Variants in SMARCD3 observed in about 807,000 individuals in gnomAD.
SMARCD3 encodes SWI/SNF related BAF chromatin remodeling complex subunit D3, also known as SWI/SNF-related matrix-associated actin-dependent regulator of chromatin subfamily D member 3.
SMARCD3 carries 14 observed loss-of-function variants against 58.0 expected under a neutral mutation model. The observed-to-expected ratio is 0.24, with a 90% CI of 0.16 to 0.38. The LOEUF is 0.38. Ranked by LOEUF, SMARCD3 falls within the 10% of genes least tolerant of loss-of-function variation. The probability of loss-of-function intolerance (pLI) is 1.00; values close to 1 mark genes in which losing one functional copy is unlikely to be tolerated. For missense variants in SMARCD3, 408 were observed against 636.9 expected, an observed-to-expected ratio of 0.64 and a Z score of 3.87; for synonymous variants, 253 against 253.8, an observed-to-expected ratio of 1.00 and a Z score of 0.03.
At chr7:151,269,658 G>A (rs1795100637) in intron 2 of SMARCD3, among the ~76,000 whole-genome samples, 1 of 152,138 alleles carries the variant, frequency 6.6e-6, no homozygotes, top group Admixed American at 6.5e-5. Flanking sequence ...ATGGCAGGCT[G>A]GGACCTGCAA....
upstream of SMARCD3, among the ~76,000 whole-genome samples, chr7:151,252,053 C>T (rs1803536354): frequency 6.6e-6 from 1 of 151,882 alleles, no homozygotes; most frequent in South Asian, 2.1e-4. Context: ...GGGGAGGCGG[C>T]GGAGGGAGGA....
At chr7:151,275,471 C>A (rs572221899) in intron 1 of SMARCD3, among the ~76,000 whole-genome samples, 1 of 152,102 alleles carries the variant, frequency 6.6e-6, no homozygotes, top group African/African-American at 2.4e-5. Context: ...CAGACAGAGA[C>A]CGGCCCCAGG....
At chr7:151,266,406 G>T (rs1049069769) in intron 2 of SMARCD3, among the ~76,000 whole-genome samples, 11 of 152,104 alleles carry the variant, frequency 7.2e-5, no homozygotes, top group African/African-American at 2.4e-4. Flanking sequence ...ATAATTTCTA[G>T]AAGGTGAATG....
At chr7:151,253,792 G>T (rs1054648021) in intron 2 of SMARCD3, among the ~76,000 whole-genome samples, 4 of 151,618 alleles carry the variant, frequency 2.6e-5, no homozygotes, top group Non-Finnish European at 5.9e-5. Context: ...GGATCCTGAG[G>T]GGTGCTATAA....
intron 2 of SMARCD3, among the ~76,000 whole-genome samples, chr7:151,254,065 A>G (rs1388729935): frequency 6.6e-6 from 1 of 152,158 alleles, no homozygotes; most frequent in South Asian, 2.1e-4. Context: ...AGGGTGGTTG[A>G]GACTCCAAAC....
intron 2 of SMARCD3, among the ~76,000 whole-genome samples, chr7:151,268,976 C>T (rs1795077158): frequency 6.6e-6 from 1 of 152,186 alleles, no homozygotes; most frequent in Non-Finnish European, 1.5e-5. Context: ...ACTCTGCCCC[C>T]AGTCACTTCA....
At chr7:151,269,742 A>G (rs1181687407) in intron 2 of SMARCD3, among the ~76,000 whole-genome samples, 7 of 152,188 alleles carry the variant, frequency 4.6e-5, no homozygotes, top group Non-Finnish European at 1.0e-4. Flanking sequence ...GACAGCGCTC[A>G]GCATCCCATG....
chr7:151,266,655 C>T (rs1296671679), intron 2 of SMARCD3, among the ~76,000 whole-genome samples: 3 of 152,200 alleles, frequency 2.0e-5, no homozygotes, highest in African/African-American at 7.2e-5. Context: ...AACATCCAGC[C>T]GGCAATGTGC....
At chr7:151,248,738 A>ACGC (rs990663998), upstream of SMARCD3, 77 of 1,169,824 alleles carry the variant, frequency 6.6e-5, no homozygotes, top group Non-Finnish European at 7.6e-5. The surrounding 1 kb of genome is among the most constrained non-coding windows in gnomAD (Gnocchi z 6.1). Context: ...CCCACGGCCC[A>ACGC]CGCCGCCGCC....
upstream of SMARCD3, among the ~76,000 whole-genome samples, chr7:151,251,868 C>G (rs1803525137): frequency 6.8e-6 from 1 of 147,976 alleles, no homozygotes; most frequent in Non-Finnish European, 1.5e-5. Flanking sequence ...GCCGCCTCGC[C>G]CCCACCGCGC....
chr7:151,244,356 C>T (rs909373436), intron 2 of SMARCD3, among the ~76,000 whole-genome samples: 1 of 152,138 alleles, frequency 6.6e-6, no homozygotes, highest in Non-Finnish European at 1.5e-5. Flanking sequence ...TGACTAGGCC[C>T]GGGGTAGTAG....
At chr7:151,259,512 G>T (rs1803834003) in intron 2 of SMARCD3, among the ~76,000 whole-genome samples, 1 of 151,160 alleles carries the variant, frequency 6.6e-6, no homozygotes, top group South Asian at 2.1e-4. Flanking sequence ...TCCAACATGT[G>T]ATGGGTGGAG....
rs1463639867 is a variant in SMARCD3, at chr7:151,241,364, T to C, written c.939+128A>G. On this transcript the variant is annotated intron_variant, in intron 8 of 12. Transcript: ENST00000262188. The surrounding 1 kb of genome is among the most constrained non-coding windows in gnomAD (Gnocchi z 5.3). ...GGTCGGTCTCTTGGCTCCAAGACCA[T>C]GACTGTGTACTGCTTCTGCTACTCA... 1 of 827,652 alleles carries C rather than the reference T, an allele frequency of 1.2e-6. No individual in the cohort carries two copies. Among genetic ancestry groups the C allele is most frequent in the South Asian group, 1.4e-5 (1 of 69,038 alleles). The allele number at this position is 827,652 out of a possible 1,614,324, so 51.3% of individuals were successfully genotyped here.
At chr7:151,240,725 G>C (rs1352422931) in intron 8 of SMARCD3, 1 of 580,316 alleles carries the variant, frequency 1.7e-6, no homozygotes, top group African/African-American at 1.9e-5. Flanking sequence ...GGTCAGTGTG[G>C]GGCAGGGGTT....
intron 2 of SMARCD3, among the ~76,000 whole-genome samples, chr7:151,266,959 C>T (rs1190934570): frequency 6.6e-6 from 1 of 152,174 alleles, no homozygotes. Flanking sequence ...GCGAGCCTCC[C>T]GCAGTGGCCT....
intron 2 of SMARCD3, among the ~76,000 whole-genome samples, chr7:151,261,920 A>C (rs1261356467): frequency 6.6e-6 from 1 of 152,140 alleles, no homozygotes; most frequent in Non-Finnish European, 1.5e-5. Context: ...TACTCAAGCC[A>C]CTGGACGCTT....
At chr7:151,272,117 T>G in intron 2 of SMARCD3, among the ~76,000 whole-genome samples, 1 of 152,224 alleles carries the variant, frequency 6.6e-6, no homozygotes, top group East Asian at 1.9e-4. Flanking sequence ...GTGACATTGT[T>G]GAGAACATTG....
chr7:151,240,650 G>A, intron 8 of SMARCD3, 128 bp from the exon 9 acceptor site: 1 of 706,500 alleles, frequency 1.4e-6, no homozygotes, highest in East Asian at 2.7e-5. Context: ...GTGCGCATGG[G>A]GATGGGATTG....
upstream of SMARCD3, among the ~76,000 whole-genome samples, chr7:151,251,359 C>G (rs1430149555): frequency 7.2e-5 from 11 of 152,162 alleles, no homozygotes. Context: ...ACCAAAAGGT[C>G]GAGGAAGCCA....
Sources: gnomAD v4.1 joint callset for allele counts (sites outside exome capture counted in the v4.1 genomes callset) on GRCh38, gnomAD v4.1.1 for gene constraint, Gnocchi (gnomAD v3.1) non-coding constraint, MANE v1.5 for transcripts, NCBI Gene and HGNC (gene_info 2026-07-23, HGNC 2026-07-21) for gene names.